Variants in GPM6A observed in about 807,000 individuals in gnomAD.
GPM6A encodes the protein neuronal membrane glycoprotein M6-a.
GPM6A carries 7 observed loss-of-function variants against 32.1 expected under a neutral mutation model. That is an observed-to-expected ratio of 0.22 (90% CI 0.12 to 0.41). The LOEUF is 0.41. Ranked by LOEUF, GPM6A falls within the 10% of genes least tolerant of loss-of-function variation. The pLI is 1.00. For synonymous variants in GPM6A, 130 were observed against 123.4 expected (o/e 1.05, Z -0.35); for missense variants, 235 against 347.2 (o/e 0.68, Z 2.57).
At chr4:175,856,332 C>G (rs1736415119) in intron 1 of GPM6A, among the ~76,000 whole-genome samples, 1 of 152,190 alleles carries the variant, frequency 6.6e-6, no homozygotes, top group African/African-American at 2.4e-5. Context: ...TACTCAGCCC[C>G]TGGCTCATTT....
chr4:175,826,561 T>C (rs1215590423), intron 1 of GPM6A, among the ~76,000 whole-genome samples: 3 of 152,202 alleles, frequency 2.0e-5, no homozygotes, highest in African/African-American at 4.8e-5. Flanking sequence ...AAATGAAAGA[T>C]GGAACGGAAA....
chr4:175,942,938 G>A (rs887951246), intron 1 of GPM6A, among the ~76,000 whole-genome samples: 3 of 151,922 alleles, frequency 2.0e-5, no homozygotes, highest in African/African-American at 7.3e-5. Flanking sequence ...GTATCTTGAT[G>A]GAGATAGCAT....
intron 1 of GPM6A, chr4:175,962,571 C>G (rs1740201068): frequency 3.0e-6 from 1 of 337,446 alleles, no homozygotes; most frequent in South Asian, 3.1e-5. Context: ...CTCCTGTACT[C>G]ATTACTACTT....
chr4:175,885,345 G>C (rs1737417344), intron 1 of GPM6A, among the ~76,000 whole-genome samples: 2 of 152,252 alleles, frequency 1.3e-5, no homozygotes, highest in African/African-American at 4.8e-5. Flanking sequence ...GATAGGAATA[G>C]ATAGTGTTTA....
chr4:175,867,786 T>C (rs1736786261), intron 1 of GPM6A, among the ~76,000 whole-genome samples: 1 of 152,162 alleles, frequency 6.6e-6, no homozygotes, highest in African/African-American at 2.4e-5. Flanking sequence ...ATTTTCCTTA[T>C]CCCACATGAA....
At chr4:175,974,421 T>C (rs1005792856) in intron 1 of GPM6A, among the ~76,000 whole-genome samples, 5 of 152,138 alleles carry the variant, frequency 3.3e-5, no homozygotes, top group African/African-American at 9.7e-5. Flanking sequence ...AGTTGCCCCA[T>C]GTCAGTTCAC....
At chr4:175,946,622 A>G (rs1739615955) in intron 1 of GPM6A, among the ~76,000 whole-genome samples, 1 of 152,150 alleles carries the variant, frequency 6.6e-6, no homozygotes, top group Non-Finnish European at 1.5e-5. Context: ...TGTGAGGCAG[A>G]GCATGTCAAG....
Position 175,918,404 on chromosome 4 carries a change from T to C in GPM6A, c.-23+83905A>G, listed in dbSNP as rs949118427. Reference sequence around the variant, plus strand: ...AATAGAATTGGAAAAGAAAAATCTTTAAGTAGGGAAAAGAAATGAGGCACA... The same window carrying C: ...AATAGAATTGGAAAAGAAAAATCTTCAAGTAGGGAAAAGAAATGAGGCACA... On this transcript the variant is annotated intron_variant, in intron 1 of 7. Coordinates refer to the GPM6A transcript ENST00000280187. Among the ~76,000 whole-genome samples, 6 of 151,970 alleles carry C rather than the reference T, an allele frequency of 3.9e-5. No individual in the cohort carries two copies. The East Asian group carries it at 1.2e-3, about 29-fold the overall frequency.
chr4:175,851,746 C>T (rs1347586596), intron 1 of GPM6A, among the ~76,000 whole-genome samples: 5 of 152,180 alleles, frequency 3.3e-5, no homozygotes, highest in Admixed American at 6.5e-5. Flanking sequence ...GTCCAGTTCA[C>T]GCATTATGAA....
intron 6 of GPM6A, among the ~76,000 whole-genome samples, chr4:175,637,595 T>C (rs796889689): frequency 5.1e-5 from 1 of 19,692 alleles, no homozygotes; most frequent in Non-Finnish European, 8.4e-5. Context: ...ATATTATATA[T>C]TATGTAAAAT....
At chr4:175,676,546 A>G (rs1163240201) in intron 2 of GPM6A, among the ~76,000 whole-genome samples, 3 of 152,318 alleles carry the variant, frequency 2.0e-5, no homozygotes, top group Middle Eastern at 3.4e-3. Context: ...CCATAGTTCG[A>G]AACCAGCCTG....
At chr4:175,765,834 C>T (rs1341543096) in intron 1 of GPM6A, among the ~76,000 whole-genome samples, 2 of 152,148 alleles carry the variant, frequency 1.3e-5, no homozygotes, top group Non-Finnish European at 2.9e-5. Context: ...CACATCTTAT[C>T]GGCACCACAC....
At chr4:176,001,278 G>T (rs575636442) in intron 1 of GPM6A, among the ~76,000 whole-genome samples, 1 of 152,320 alleles carries the variant, frequency 6.6e-6, no homozygotes, top group African/African-American at 2.4e-5. Context: ...GCGCCCAGTG[G>T]ACTTGGCTGG....
chr4:175,720,809 G>A (rs907198197), intron 1 of GPM6A, among the ~76,000 whole-genome samples: 12 of 152,106 alleles, frequency 7.9e-5, no homozygotes, highest in Admixed American at 1.3e-4. Flanking sequence ...TTCACAGCAA[G>A]AGAACCAAAA....
intron 1 of GPM6A, among the ~76,000 whole-genome samples, chr4:175,879,207 T>A (rs190266910): frequency 3.2e-3 from 490 of 152,308 alleles, no homozygotes; most frequent in Non-Finnish European, 5.0e-3. Flanking sequence ...AACTTTCCCA[T>A]GTCTTCCTGT....
In GPM6A at chr4:175,936,332, A is replaced by C. The variant is rs1171507696; in HGVS notation, c.-23+65977T>G. Reference sequence around the variant, plus strand: ...AAAAAAAAAAAAAAAAAAAAAAAAAAAAAACTATACATTCCTGTTATATAA... The same window carrying C: ...AAAAAAAAAAAAAAAAAAAAAAAAACAAAACTATACATTCCTGTTATATAA... On this transcript the variant is annotated intron_variant, in intron 1 of 7. Coordinates refer to the GPM6A transcript ENST00000280187. Among the ~76,000 whole-genome samples the C allele has an allele frequency of 5.3e-5, 8 of 149,654 alleles. No individual in the cohort carries two copies. The East Asian group carries it at 9.7e-4, about 18-fold the overall frequency.
At chr4:175,901,628 C>CTTTTTTTTTTTTTCTTTTTTTT (rs59461626) in intron 1 of GPM6A, among the ~76,000 whole-genome samples, 1 of 127,022 alleles carries the variant, frequency 7.9e-6, no homozygotes, top group Non-Finnish European at 1.6e-5. Context: ...TTTTCTTTTT[C>CTTTTTTTTTTTTTCTTTTTTTT]TTTTTTTTTT....
At chr4:175,662,372 G>C (rs1460813356) in intron 3 of GPM6A, among the ~76,000 whole-genome samples, 1 of 152,080 alleles carries the variant, frequency 6.6e-6, no homozygotes, top group Non-Finnish European at 1.5e-5. Context: ...GGCTGAGGTG[G>C]GTGGATCACC....
At chr4:175,914,272 G>A (rs1209239596) in intron 1 of GPM6A, among the ~76,000 whole-genome samples, 1 of 152,164 alleles carries the variant, frequency 6.6e-6, no homozygotes, top group Admixed American at 6.5e-5. Context: ...CGGGGTAAAG[G>A]AACAGTCAAT....
Sources: gnomAD v4.1 joint callset for allele counts (sites outside exome capture counted in the v4.1 genomes callset) on GRCh38, gnomAD v4.1.1 for gene constraint, MANE v1.5 for transcripts, NCBI Gene and HGNC (gene_info 2026-07-23, HGNC 2026-07-21) for gene names.